RBFOX1: variants seen among roughly 807,000 people sequenced by gnomAD.
RBFOX1 encodes RNA binding protein fox-1 homolog 1.
In RBFOX1, 8 loss-of-function variants were observed where a neutral mutation model predicts 57.7. The observed-to-expected ratio is 0.14, with a 90% CI of 0.08 to 0.25. The LOEUF is 0.25. Among genes scored for constraint, RBFOX1 ranks in the 10% least tolerant of loss-of-function variants. The pLI, the probability that RBFOX1 is intolerant of heterozygous loss-of-function variation, is 1.00. For synonymous variants in RBFOX1, 326 were observed against 222.4 expected (o/e 1.47, Z -4.15); for missense variants, 611 against 548.5 (o/e 1.11, Z -1.14).
chr16:7,403,044 C>A (rs1184436351), intron 4 of RBFOX1, among the ~76,000 whole-genome samples: 1 of 152,208 alleles, frequency 6.6e-6, no homozygotes, highest in Non-Finnish European at 1.5e-5. Context: ...TAAAATGAGG[C>A]TTGATTTCTC....
intron 4 of RBFOX1, among the ~76,000 whole-genome samples, chr16:5,887,919 C>G (rs978528037): frequency 2.0e-5 from 3 of 152,174 alleles, no homozygotes; most frequent in African/African-American, 7.2e-5. Flanking sequence ...AAGATTTCCA[C>G]TATTCTGAAC....
At chr16:7,605,534 T>G (rs956773602) in intron 9 of RBFOX1, among the ~76,000 whole-genome samples, 1 of 152,216 alleles carries the variant, frequency 6.6e-6, no homozygotes, top group Non-Finnish European at 1.5e-5. Flanking sequence ...AACATTCTTA[T>G]CAAGTTTTAG....
At chr16:5,812,699 C>T (rs1473848444) in intron 3 of RBFOX1, among the ~76,000 whole-genome samples, 7 of 152,114 alleles carry the variant, frequency 4.6e-5, no homozygotes, top group Non-Finnish European at 8.8e-5. Flanking sequence ...TGGCCTCAAG[C>T]AGTCCTTTCA....
intron 2 of RBFOX1, among the ~76,000 whole-genome samples, chr16:6,467,607 T>A (rs1227741081): frequency 2.6e-5 from 4 of 152,138 alleles, no homozygotes; most frequent in African/African-American, 4.8e-5. Flanking sequence ...AAAATGTTGT[T>A]TCCTATTAAA....
At chr16:5,495,903 A>G (rs1279801547) in intron 2 of RBFOX1, among the ~76,000 whole-genome samples, 1 of 152,234 alleles carries the variant, frequency 6.6e-6, no homozygotes, top group African/African-American at 2.4e-5. Flanking sequence ...AGGCGGGCAG[A>G]TCACCTGAGG....
At chr16:7,350,537 T>C (rs1187907865) in intron 4 of RBFOX1, among the ~76,000 whole-genome samples, 2 of 152,296 alleles carry the variant, frequency 1.3e-5, no homozygotes, top group Admixed American at 1.3e-4. Flanking sequence ...GATTGTATCA[T>C]GTTAAAAGAT....
intron 1 of RBFOX1, among the ~76,000 whole-genome samples, chr16:6,129,027 T>G (rs2096610592): frequency 6.6e-6 from 1 of 152,198 alleles, no homozygotes; most frequent in East Asian, 1.9e-4. Flanking sequence ...ACCACTTGCA[T>G]GAACAAAATT....
intron 1 of RBFOX1, among the ~76,000 whole-genome samples, chr16:5,444,757 A>G (rs1207318466): frequency 1.3e-5 from 2 of 152,232 alleles, no homozygotes; most frequent in Non-Finnish European, 2.9e-5. Context: ...TGTGCCAGGC[A>G]CTGTATTCAC....
At chr16:7,371,025 G>A (rs1435892415) in intron 4 of RBFOX1, among the ~76,000 whole-genome samples, 1 of 152,144 alleles carries the variant, frequency 6.6e-6, no homozygotes, top group Non-Finnish European at 1.5e-5. Context: ...GGATGTGTCT[G>A]TATTTTTGAC....
intron 3 of RBFOX1, among the ~76,000 whole-genome samples, chr16:6,792,605 T>G (rs2083185851): frequency 6.6e-6 from 1 of 152,180 alleles, no homozygotes; most frequent in Non-Finnish European, 1.5e-5. Flanking sequence ...GAAGTCAGGG[T>G]TGCAAAAAGC....
chr16:5,701,410 G>A (rs1377538403), intron 3 of RBFOX1, among the ~76,000 whole-genome samples: 2 of 152,176 alleles, frequency 1.3e-5, no homozygotes, highest in African/African-American at 4.8e-5. Context: ...TCTCCAAGGA[G>A]TGCTCTCTAG....
At chr16:6,974,183 C>G (rs115488459) in intron 3 of RBFOX1, among the ~76,000 whole-genome samples, 4 of 151,920 alleles carry the variant, frequency 2.6e-5, no homozygotes, top group Non-Finnish European at 4.4e-5. Flanking sequence ...TCTATCATTG[C>G]TGAGCATTTG....
chr16:5,879,703 C>G (rs1451572450), intron 4 of RBFOX1, among the ~76,000 whole-genome samples: 1 of 152,166 alleles, frequency 6.6e-6, no homozygotes, highest in Non-Finnish European at 1.5e-5. Flanking sequence ...CATGAAATCT[C>G]AATGGCCTAC....
intron 3 of RBFOX1, among the ~76,000 whole-genome samples, chr16:5,835,374 T>A (rs568134943): frequency 1.3e-5 from 2 of 152,338 alleles, no homozygotes; most frequent in East Asian, 3.9e-4. Context: ...CGATCTGCTT[T>A]GTAGAAAACG....
intron 4 of RBFOX1, among the ~76,000 whole-genome samples, chr16:7,272,214 C>T (rs1369176633): frequency 2.0e-5 from 3 of 152,100 alleles, no homozygotes; most frequent in Admixed American, 6.5e-5. Flanking sequence ...GAAAGAGTCT[C>T]GCTCTGTCAT....
intron 3 of RBFOX1, among the ~76,000 whole-genome samples, chr16:7,028,545 G>A (rs1199597877): frequency 2.5e-4 from 31 of 126,066 alleles, no homozygotes; most frequent in African/African-American, 9.0e-4. Flanking sequence ...TGAGGTTGAA[G>A]CATTGCACTC....
At chr16:7,017,685 T>C (rs2093983865) in intron 3 of RBFOX1, among the ~76,000 whole-genome samples, 2 of 152,126 alleles carry the variant, frequency 1.3e-5, no homozygotes, top group African/African-American at 2.4e-5. Flanking sequence ...GAGGGAAGCT[T>C]TTCCTTTTCT....
At chr16:7,637,592 C>T (rs1597060981) in intron 11 of RBFOX1, among the ~76,000 whole-genome samples, 2 of 152,124 alleles carry the variant, frequency 1.3e-5, no homozygotes, top group South Asian at 2.1e-4. Context: ...CCTTTTTCTT[C>T]TGCACAATAC....
At chr16:7,630,461 G>A (rs993577886) in intron 10 of RBFOX1, 142 bp from the exon 11 acceptor site, 407 of 1,507,038 alleles carry the variant, frequency 2.7e-4, no homozygotes, top group Middle Eastern at 4.6e-4. Context: ...AAGGCAGGGG[G>A]CTTTGTTGGG....
Sources: gnomAD v4.1 joint callset for allele counts (sites outside exome capture counted in the v4.1 genomes callset) on GRCh38, gnomAD v4.1.1 for gene constraint, MANE v1.5 for transcripts, NCBI Gene and HGNC (gene_info 2026-07-23, HGNC 2026-07-21) for gene names.